Variants in CRB1 observed in about 807,000 individuals in gnomAD.
CRB1 encodes the protein crumbs cell polarity complex component 1, also known as protein crumbs homolog 1.
CRB1 carries 83 observed loss-of-function variants against 120.0 expected under a neutral mutation model. The ratio of observed to expected loss-of-function variants is 0.69; its 90% CI spans 0.58 to 0.83. The LOEUF is 0.83. CRB1 is among the 40% of genes least tolerant of loss of function. The pLI is 0.00. For missense variants in CRB1, 1,699 were observed against 1,687.6 expected (o/e 1.01, Z -0.12); for synonymous variants, 625 against 612.5 (o/e 1.02, Z -0.30).
chr1:197,413,521 A>T (rs2125454420), intron 5 of CRB1, among the ~76,000 whole-genome samples: 2 of 152,340 alleles, frequency 1.3e-5, no homozygotes, highest in Middle Eastern at 6.8e-3. Flanking sequence ...CAAAAACAGC[A>T]TTTCCTTTGT....
chr1:197,348,739 G>A (rs1210935830), intron 4 of CRB1, among the ~76,000 whole-genome samples: 1 of 152,164 alleles, frequency 6.6e-6, no homozygotes, highest in Non-Finnish European at 1.5e-5. Context: ...GCCTCCCAAA[G>A]TGCTGGGATT....
chr1:197,405,056 C>T (rs1237602354), intron 5 of CRB1, among the ~76,000 whole-genome samples: 1 of 151,754 alleles, frequency 6.6e-6, no homozygotes, highest in Non-Finnish European at 1.5e-5. Flanking sequence ...CCCTCTCCCT[C>T]TCCCTCTCCC....
the CRB1 span, among the ~76,000 whole-genome samples, chr1:197,252,582 A>ATATATGTGTGTGTGTGTG: frequency 3.9e-4 from 6 of 15,502 alleles, no homozygotes; most frequent in Non-Finnish European, 6.9e-4. Flanking sequence ...ATATATATAT[A>ATATATGTGTGTGTGTGTG]TGTGTGTGTG....
At chr1:197,235,589 A>T in the CRB1 span, among the ~76,000 whole-genome samples, 1 of 152,160 alleles carries the variant, frequency 6.6e-6, no homozygotes, top group African/African-American at 2.4e-5. Context: ...ACTATCCTAA[A>T]TTAATCAGCC....
the CRB1 span, among the ~76,000 whole-genome samples, chr1:197,211,961 T>A: frequency 2.0e-5 from 3 of 151,918 alleles, no homozygotes; most frequent in Non-Finnish European, 4.4e-5. Flanking sequence ...TATACTAATA[T>A]AAAATGAAAA....
At chr1:197,206,996 T>C in the CRB1 span, among the ~76,000 whole-genome samples, 2 of 152,176 alleles carry the variant, frequency 1.3e-5, no homozygotes, top group Non-Finnish European at 2.9e-5. Context: ...AATTTCCCTC[T>C]TTGTCTTTTT....
At chr1:197,372,953 C>A (rs748425724) in intron 5 of CRB1, among the ~76,000 whole-genome samples, 2 of 152,070 alleles carry the variant, frequency 1.3e-5, no homozygotes, top group Non-Finnish European at 2.9e-5. Flanking sequence ...TTCAGCTAGA[C>A]CATACAATTG....
chr1:197,472,625 C>T (rs991085357), intron 11 of CRB1, among the ~76,000 whole-genome samples: 1 of 152,154 alleles, frequency 6.6e-6, no homozygotes, highest in African/African-American at 2.4e-5. Context: ...GGTCCTGATG[C>T]TGACAACAGA....
At chr1:197,368,412 T>C (rs994365309) in intron 5 of CRB1, among the ~76,000 whole-genome samples, 7 of 152,226 alleles carry the variant, frequency 4.6e-5, no homozygotes, top group African/African-American at 1.7e-4. Context: ...TGAACAAAAC[T>C]ATTCATAGTG....
chr1:197,438,878 A>T, intron 10 of CRB1: 1 of 521,754 alleles, frequency 1.9e-6, no homozygotes, highest in South Asian at 2.3e-5. Context: ...ATTAGACAAA[A>T]CTTCAAATAG....
the CRB1 span, among the ~76,000 whole-genome samples, chr1:197,252,582 ATGTGTGTGTG>A: frequency 0.048 from 739 of 15,384 alleles, 29 homozygotes; most frequent in Non-Finnish European, 0.075. Context: ...ATATATATAT[ATGTGTGTGTG>A]TGTGTGTGTG....
the CRB1 span, among the ~76,000 whole-genome samples, chr1:197,254,301 G>A: frequency 3.3e-5 from 5 of 151,962 alleles, no homozygotes; most frequent in Non-Finnish European, 7.4e-5. Context: ...CTTGTCCTGA[G>A]TGATACACAG....
chr1:197,464,341 A>G (rs548302266), intron 11 of CRB1, among the ~76,000 whole-genome samples: 43 of 152,174 alleles, frequency 2.8e-4, no homozygotes, highest in Non-Finnish European at 4.9e-4. Flanking sequence ...CCTTGGAAAC[A>G]GGATTGGGGA....
rs554616850 is a variant in CRB1, at chr1:197,323,631, A to T, written c.71-4791A>T. On this transcript the variant is annotated intron_variant, in intron 1 of 11. Transcript: ENST00000367400. ...GGAATATAATTAGTTCCTCATTAAA[A>T]TTTTTCATGATTGACAGTGAGTAAA... 4.2e-4 allele frequency among the ~76,000 whole-genome samples: 64 copies of T among 152,262 alleles called. No individual in the cohort carries two copies. The South Asian group carries it at 0.013, about 31-fold the overall frequency.
At chr1:197,375,627 C>T (rs1661604862) in intron 5 of CRB1, among the ~76,000 whole-genome samples, 1 of 152,170 alleles carries the variant, frequency 6.6e-6, no homozygotes, top group Admixed American at 6.5e-5. Context: ...CTCCCAATTC[C>T]TGCCTATGTT....
chr1:197,477,870 A>T lies in CRB1; in HGVS notation c.4212A>T (p.Arg1404Ser). 6.2e-7 allele frequency: 1 copy of T among 1,613,742 alleles called. No homozygotes were observed. The highest frequency in any genetic ancestry group is 8.5e-7 in the Non-Finnish European group (1 of 1,179,784). The change falls in exon 12 of 12, where the codon AGA (arginine) becomes AGT (serine). Residue 1404 changes from arginine to serine, a missense_variant. Transcript: ENST00000367400. The stretch of plus-strand genomic sequence containing the variant: ...TGATGCCACCCCCTGCAATGGAGAG[A>T]CTGATTTAGGAGCATTGTGTCCCTT... ...WNLMPPPAME[R>S]LI
At chr1:197,396,387 T>C (rs1662773910) in intron 5 of CRB1, among the ~76,000 whole-genome samples, 1 of 152,198 alleles carries the variant, frequency 6.6e-6, no homozygotes, top group African/African-American at 2.4e-5. Context: ...TGCTAAAATG[T>C]TAATTTTTGC....
At chr1:197,288,209 G>T (rs1655948364) in intron 1 of CRB1, among the ~76,000 whole-genome samples, 1 of 151,764 alleles carries the variant, frequency 6.6e-6, no homozygotes, top group Non-Finnish European at 1.5e-5. Flanking sequence ...AAGTTCCCAA[G>T]ACCTGGGAAA....
intron 11 of CRB1, among the ~76,000 whole-genome samples, chr1:197,464,936 T>C (rs529178898): frequency 6.6e-6 from 1 of 152,316 alleles, no homozygotes; most frequent in Admixed American, 6.5e-5. Context: ...GAAGAGAACT[T>C]GTCATGCAAT....
Sources: allele counts gnomAD v4.1 joint callset (sites outside exome capture counted in the v4.1 genomes callset), GRCh38; gene constraint gnomAD v4.1.1; transcripts MANE v1.5; gene names NCBI Gene and HGNC (gene_info 2026-07-23, HGNC 2026-07-21).